Variants in CYB561D1 observed in about 807,000 individuals in gnomAD.
CYB561D1 encodes the protein cytochrome b561 family member D1.
In CYB561D1, 15 loss-of-function variants were observed where a neutral mutation model predicts 19.2. That is an observed-to-expected ratio of 0.78 (90% CI 0.52 to 1.20). CYB561D1 has a LOEUF of 1.20. Among genes scored for constraint, CYB561D1 ranks in the 50% most tolerant of loss-of-function variants. The pLI is 0.00. For missense variants in CYB561D1, 297 were observed against 287.3 expected, an observed-to-expected ratio of 1.03 and a Z score of -0.24; for synonymous variants, 133 against 120.6, an observed-to-expected ratio of 1.10 and a Z score of -0.68.
At chr1:109,495,075 G>T in intron 1 of CYB561D1, 68 bp from the exon 2 acceptor site, 1 of 1,550,904 alleles carries the variant, frequency 6.4e-7, no homozygotes, top group Non-Finnish European at 8.9e-7. Context: ...AGATTCTTTG[G>T]GTTCCACCTA....
intron 2 of CYB561D1, 83 bp downstream of exon 2, chr1:109,495,263 G>C: frequency 6.7e-7 from 1 of 1,498,248 alleles, no homozygotes; most frequent in Non-Finnish European, 9.3e-7. Context: ...AGAAAGCTCA[G>C]CCTTTCTAAG....
At chr1:109,495,496 A>G (rs571633133) in intron 2 of CYB561D1, among the ~76,000 whole-genome samples, 1 of 152,320 alleles carries the variant, frequency 6.6e-6, no homozygotes, top group Middle Eastern at 3.4e-3. Flanking sequence ...GAAGTTTAAC[A>G]TTTGCTACTC....
Position 109,494,594 on chromosome 1 carries a change from T to C in CYB561D1, c.148+307T>C, listed in dbSNP as rs1439943406. ...GGTCATGCCTGAAATCCCAGCACTT[T>C]GGGAGGCCGACGCGGGTGGATCACT... On this transcript the variant is annotated intron_variant, in intron 1 of 2. Transcript: ENST00000420578. 1.1e-4 allele frequency: 155 copies of C among 1,371,862 alleles called. No individual in the cohort carries two copies. Among genetic ancestry groups the C allele is most frequent in the Non-Finnish European group, 1.5e-4 (153 of 1,035,614 alleles). The allele number at this position is 1,371,862 out of a possible 1,614,324, so 85.0% of individuals were successfully genotyped here.
At chr1:109,495,040 G>A in intron 1 of CYB561D1, 103 bp from the exon 2 acceptor site, 1 of 1,372,290 alleles carries the variant, frequency 7.3e-7, no homozygotes, top group Non-Finnish European at 1.0e-6. Context: ...ATTAGGATTG[G>A]GGATGGTACT....
rs780127254 is a variant in CYB561D1, at chr1:109,494,339, G to C, written c.148+52G>C. On this transcript the variant is annotated intron_variant, in intron 1 of 2. Coordinates refer to ENST00000420578, the MANE Select transcript of CYB561D1 (RefSeq NM_182580.3). ...AGGGGGCGGAGTGGAGATGCTGGAG[G>C]GGCAGCGCTTGGGAGCCCCGGGAGA... 4.6e-4 allele frequency: 702 copies of C among 1,530,838 alleles called. 5 individuals carry two copies. Among genetic ancestry groups the C allele is most frequent in the Non-Finnish European group, 1.0e-4 (119 of 1,134,726 alleles). 94.8% of individuals were successfully genotyped at this position (1,530,838 alleles called of 1,614,324 possible).
rs138373210 is a variant in CYB561D1, at chr1:109,494,263, A to G, written c.124A>G (p.Thr42Ala). ...AGCTTTGGGCTTCACCATCTTTCTGACAGCGCTGTCCCGGCCAGGAACCAG... is the reference window on the plus strand; with the variant it reads ...AGCTTTGGGCTTCACCATCTTTCTGGCAGCGCTGTCCCGGCCAGGAACCAG... ...LVALGFTIFL[T>A]ALSRPGTSLF... The change falls in exon 1 of 3, where the codon ACA becomes GCA. Residue 42 changes from threonine (T) to alanine (A), a missense_variant. Coordinates refer to ENST00000420578, the MANE Select transcript of CYB561D1 (RefSeq NM_182580.3). The G allele has an allele frequency of 2.5e-5, 40 of 1,589,054 alleles. No individual in the cohort carries two copies. The Middle Eastern group carries it at 6.6e-4, about 26-fold the overall frequency.
chr1:109,495,648 T>C (rs1657484217), intron 2 of CYB561D1, 108 bp from the exon 3 acceptor site: 2 of 1,586,654 alleles, frequency 1.3e-6, no homozygotes, highest in Non-Finnish European at 1.7e-6. Flanking sequence ...GTTGAACTTA[T>C]TTAACCCTTA....
chr1:109,494,852 A>T (rs931703022), intron 1 of CYB561D1, among the ~76,000 whole-genome samples: 7 of 141,650 alleles, frequency 4.9e-5, no homozygotes, highest in Admixed American at 2.0e-4. Context: ...AAAAACAAAA[A>T]ACAACAACCA....
Position 109,495,961 on chromosome 1 carries a change from G to A in CYB561D1, c.392G>A (p.Gly131Glu). The change falls in exon 3 of 3, where the codon GGA becomes GAA. Residue 131 changes from glycine (G) to glutamate (E), a missense_variant. Physicochemically the swap from Gly to Glu is moderately conservative, Grantham distance 98. Transcript: ENST00000420578. ...CTGGTGTCCTGGCACAGCTGGGTGG[G>A]AGCCCTGACACTGCTGGCCACTGCT... ...PHLVSWHSWV[G>E]ALTLLATAVQ... The A allele has an allele frequency of 6.2e-7, 1 of 1,613,246 alleles. No homozygotes were observed. Among genetic ancestry groups the A allele is most frequent in the Non-Finnish European group, 8.5e-7 (1 of 1,179,364 alleles).
At chr1:109,494,992 C>T (rs1657438760) in intron 1 of CYB561D1, 151 bp from the exon 2 acceptor site, 3 of 922,908 alleles carry the variant, frequency 3.3e-6, no homozygotes, top group African/African-American at 1.7e-5. Context: ...CCCTGGGGCT[C>T]CTTGGCTGCT....
In CYB561D1 at chr1:109,495,145, C is replaced by G; in HGVS notation, c.151C>G (p.Leu51Val). The G allele has an allele frequency of 6.2e-7, 1 of 1,614,230 alleles. No homozygotes were observed. Among genetic ancestry groups the G allele is most frequent in the Non-Finnish European group, 8.5e-7 (1 of 1,180,042 alleles). ...AGCCTGTTCTCTTTGATTCTTAGGT[C>G]TTTTCTCCTGGCACCCTGTATTCAT... ...LTALSRPGTS[L>V]FSWHPVFMAL... Residue 51 changes from leucine (L) to valine (V), a missense_variant and splice_region_variant, in exon 2 of 3, where the codon CTT becomes GTT. Coordinates refer to ENST00000420578, the MANE Select transcript of CYB561D1 (RefSeq NM_182580.3).
In CYB561D1 at chr1:109,496,187, C is replaced by T. The variant is rs774774058; in HGVS notation, c.618C>T (p.Pro206=). 4.3e-6 allele frequency: 7 copies of T among 1,609,352 alleles called. No individual in the cohort carries two copies. The highest frequency in any genetic ancestry group is 3.3e-4 in the Middle Eastern group (2 of 6,070). The part of the protein sequence containing the change: ...GAAWYLCLAL[P]VYPALVIMHQ... The stretch of plus-strand genomic sequence containing the variant: ...CCTGGTACCTGTGCCTGGCACTGCC[C>T]GTCTATCCAGCCCTGGTGATCATGC... Residue 206 remains proline, a synonymous_variant, in exon 3 of 3, where the codon CCC becomes CCT. Coordinates refer to ENST00000420578, the MANE Select transcript of CYB561D1 (RefSeq NM_182580.3).
chr1:109,496,197 G>T lies in CYB561D1; in HGVS notation c.628G>T (p.Ala210Ser), dbSNP rs1327642641. Reference protein sequence around the residue: ...YLCLALPVYPALVIMHQISRS... With the variant: ...YLCLALPVYPSLVIMHQISRS... ...GTGCCTGGCACTGCCCGTCTATCCA[G>T]CCCTGGTGATCATGCACCAGATTTC... Residue 210 changes from alanine to serine, a missense_variant, in exon 3 of 3, where the codon GCC becomes TCC. Ala to Ser is a moderately conservative substitution (Grantham distance 99, BLOSUM62 1). Coordinates refer to ENST00000420578, the MANE Select transcript of CYB561D1 (RefSeq NM_182580.3). The T allele has an allele frequency of 3.1e-6, 5 of 1,589,402 alleles. No homozygotes were observed.
At position 109,498,365 on chromosome 1, in the gene CYB561D1, C is replaced by T. The variant is rs954962571; in HGVS notation, c.*2106C>T. Reference sequence around the variant, plus strand: ...TTTATATTCTGCAGGAGGAAGGGGCCCCAGCTGTCGCCTTTCTGACCAGCA... The same window carrying T: ...TTTATATTCTGCAGGAGGAAGGGGCTCCAGCTGTCGCCTTTCTGACCAGCA... On this transcript the variant is annotated 3_prime_UTR_variant, in exon 3 of 3. Transcript: ENST00000420578. 6.6e-6 allele frequency: 1 copy of T among 152,600 alleles called. No individual in the cohort carries two copies. The highest frequency in any genetic ancestry group is 2.4e-5 in the African/African-American group (1 of 41,436). The allele number at this position is 152,600 out of a possible 1,614,324, so 9.5% of individuals were successfully genotyped here. A position where few individuals can be genotyped will look rare whatever the true frequency, so the allele number is the denominator to read the frequency against.
rs1275584976 is a variant in CYB561D1, at chr1:109,497,826, A to G, written c.*1567A>G. ...GAAGTAAGGAGGTTGGTTTGATTCA[A>G]TAGTATGGGGACAGAATGGGGACAG... On this transcript the variant is annotated 3_prime_UTR_variant, in exon 3 of 3. Transcript: ENST00000420578. 7.4e-6 allele frequency: 1 copy of G among 135,500 alleles called. No homozygotes were observed. The highest frequency in any genetic ancestry group is 1.9e-4 in the East Asian group (1 of 5,164). 8.4% of individuals were successfully genotyped at this position (135,500 alleles called of 1,614,324 possible).
At chr1:109,494,522 A>G in intron 1 of CYB561D1, 1 of 1,519,574 alleles carries the variant, frequency 6.6e-7, no homozygotes, top group South Asian at 1.2e-5. Flanking sequence ...TTCCTCAGAA[A>G]CAGGTCCCCT....
chr1:109,494,692 C>T (rs1281779711), intron 1 of CYB561D1: 4 of 832,664 alleles, frequency 4.8e-6, no homozygotes, highest in African/African-American at 1.8e-5. Flanking sequence ...CAAAAATTAG[C>T]CAGGCGTGAT....
rs761063920 is a variant in CYB561D1 at position 109,495,744 on chromosome 1, C to G, written c.187-12C>G. On this transcript the variant is annotated splice_polypyrimidine_tract_variant and intron_variant, in intron 2 of 2. Coordinates refer to ENST00000420578, the MANE Select transcript of CYB561D1 (RefSeq NM_182580.3). ...AGACATGAGGCTTACTGGCTCTCTC[C>G]TATGTTCACAGTTCTGCCTCTGCAT... is the stretch of plus-strand genomic sequence containing the variant. 3.7e-6 allele frequency: 6 copies of G among 1,614,232 alleles called. No homozygotes were observed. Among genetic ancestry groups the G allele is most frequent in the South Asian group, 2.2e-5 (2 of 91,086 alleles).
chr1:109,495,019 T>C, intron 1 of CYB561D1, 124 bp from the exon 2 acceptor site: 1 of 1,185,544 alleles, frequency 8.4e-7, no homozygotes. Flanking sequence ...TGTCCTTAGT[T>C]CCTGTGCCCG....
Sources: gnomAD v4.1 joint callset for allele counts (sites outside exome capture counted in the v4.1 genomes callset) on GRCh38, gnomAD v4.1.1 for gene constraint, MANE v1.5 for transcripts, NCBI Gene and HGNC (gene_info 2026-07-23, HGNC 2026-07-21) for gene names.